The following ZMYND11 variants were observed in gnomAD, a reference collection of about 807,000 sequenced individuals.
ZMYND11 encodes the protein zinc finger MYND-type containing 11, also known as zinc finger MYND domain-containing protein 11.
In ZMYND11, 9 loss-of-function variants were observed where a neutral mutation model predicts 84.9. The observed-to-expected ratio is 0.11, with a 90% confidence interval of 0.06 to 0.18. The LOEUF is 0.18. ZMYND11 is among the 10% of genes least tolerant of loss of function. The pLI is 1.00. For synonymous variants in ZMYND11, 250 were observed against 244.1 expected (o/e 1.02, Z -0.23); for missense variants, 409 against 761.0 (o/e 0.54, Z 5.44).
chr10:137,651 T>C (rs1836429424), intron 1 of ZMYND11, among the ~76,000 whole-genome samples: 1 of 152,094 alleles, frequency 6.6e-6, no homozygotes, highest in African/African-American at 2.4e-5. Flanking sequence ...GTAGGCAGGG[T>C]CATCTTTGTA....
chr10:132,240 G>A (rs1291940478), upstream of ZMYND11, among the ~76,000 whole-genome samples: 3 of 150,262 alleles, frequency 2.0e-5, no homozygotes, highest in Non-Finnish European at 4.4e-5. Flanking sequence ...TTGTTCTTTC[G>A]CTCTTCACAA....
chr10:185,646 T>C (rs1424999868), intron 2 of ZMYND11, among the ~76,000 whole-genome samples: 1 of 151,020 alleles, frequency 6.6e-6, no homozygotes, highest in East Asian at 2.0e-4. Context: ...AAACCCTGTC[T>C]CTACTAAAAA....
intron 2 of ZMYND11, among the ~76,000 whole-genome samples, chr10:208,872 C>T (rs1484622247): frequency 3.3e-5 from 5 of 152,108 alleles, no homozygotes; most frequent in African/African-American, 4.8e-5. Flanking sequence ...TGACTTCTAG[C>T]GTGGAATGTT....
chr10:194,266 G>A (rs1271405872), intron 2 of ZMYND11, among the ~76,000 whole-genome samples: 1 of 150,102 alleles, frequency 6.7e-6, no homozygotes, highest in Non-Finnish European at 1.5e-5. Flanking sequence ...CTGGGACCCA[G>A]GCTGGTCTCG....
chr10:134,209 C>A (rs1835425598), upstream of ZMYND11, among the ~76,000 whole-genome samples: 1 of 152,136 alleles, frequency 6.6e-6, no homozygotes, highest in Non-Finnish European at 1.5e-5. Context: ...TAAACCAGAA[C>A]AATTATAACA....
rs560648685 is a variant in ZMYND11, at chr10:159,565, G to A, written c.-19-20429G>A. The stretch of plus-strand genomic sequence containing the variant: ...TTTGTGTTTTCTGCTTGTCCATATC[G>A]TTTGCTCATTTTTTTAAATTGGATT... On this transcript the variant is annotated intron_variant, in intron 1 of 14. Transcript: ENST00000381604. 1.8e-4 allele frequency among the ~76,000 whole-genome samples: 28 copies of A among 151,922 alleles called. No homozygotes were observed. The East Asian group carries it at 2.3e-3, about 13-fold the overall frequency.
intron 9 of ZMYND11, among the ~76,000 whole-genome samples, chr10:241,494 A>G (rs1480771635): frequency 1.3e-5 from 2 of 152,136 alleles, no homozygotes; most frequent in Admixed American, 1.3e-4. Context: ...TCCCTTAATA[A>G]AGTGAATTTT....
At chr10:233,045 T>C (rs547852971) in intron 4 of ZMYND11, among the ~76,000 whole-genome samples, 100 of 152,326 alleles carry the variant, frequency 6.6e-4, no homozygotes, top group African/African-American at 2.3e-3. Context: ...AGCGTGCGCT[T>C]GTCCGTGTTT....
chr10:251,399 CATAATGG>C (rs954746032), intron 14 of ZMYND11, among the ~76,000 whole-genome samples: 1 of 152,164 alleles, frequency 6.6e-6, no homozygotes, highest in African/African-American at 2.4e-5. Context: ...CACTTGCTGA[CATAATGG>C]ATAATAATGC....
intron 1 of ZMYND11, among the ~76,000 whole-genome samples, chr10:157,553 G>T (rs1338258477): frequency 6.6e-6 from 1 of 152,126 alleles, no homozygotes; most frequent in African/African-American, 2.4e-5. Context: ...GAAAGCACAC[G>T]TAAGCTACTT....
intron 4 of ZMYND11, among the ~76,000 whole-genome samples, chr10:236,464 T>C (rs1949988148): frequency 6.6e-6 from 1 of 152,266 alleles, no homozygotes; most frequent in Admixed American, 6.5e-5. Context: ...CACCATTCAT[T>C]ATTGCTAATT....
At chr10:192,365 C>T (rs1283927085) in intron 2 of ZMYND11, among the ~76,000 whole-genome samples, 4 of 152,182 alleles carry the variant, frequency 2.6e-5, no homozygotes, top group Non-Finnish European at 5.9e-5. Context: ...GCCTTCTGAC[C>T]ATCATGCTGC....
chr10:180,934 C>G (rs934411003), intron 2 of ZMYND11, among the ~76,000 whole-genome samples: 2 of 152,050 alleles, frequency 1.3e-5, no homozygotes, highest in African/African-American at 4.8e-5. Context: ...CCACCCCCAT[C>G]CCCTAGTTTC....
chr10:244,605 A>T (rs1951741663), intron 10 of ZMYND11: 1 of 152,328 alleles, frequency 6.6e-6, no homozygotes, highest in Admixed American at 6.5e-5. Flanking sequence ...AACCAGGTAC[A>T]GACAAAAAAG....
intron 1 of ZMYND11, among the ~76,000 whole-genome samples, chr10:175,919 G>A (rs1371444349): frequency 9.2e-5 from 14 of 152,192 alleles, no homozygotes; most frequent in African/African-American, 3.4e-4. Context: ...AGTAAAAATC[G>A]AACCTATTTG....
intron 2 of ZMYND11, among the ~76,000 whole-genome samples, chr10:189,615 G>C (rs1939778917): frequency 6.6e-6 from 1 of 152,254 alleles, no homozygotes; most frequent in Non-Finnish European, 1.5e-5. Flanking sequence ...AACTGATTCT[G>C]AATAAGTAGA....
rs1294792849 is a variant in ZMYND11, at chr10:248,850, T to C, written c.1501-53T>C. ...TGTTAAGTTTCTGTTCCAGTGTAGA[T>C]GGTCTGTGTTAAGTTGTGTGCTGAC... On this transcript the variant is annotated intron_variant, in intron 13 of 14. Transcript: ENST00000381604. 3.2e-6 allele frequency: 5 copies of C among 1,557,294 alleles called. No individual in the cohort carries two copies. The African/African-American group carries it at 4.1e-5, about 13-fold the overall frequency.
intron 2 of ZMYND11, among the ~76,000 whole-genome samples, chr10:196,830 A>C (rs1399590853): frequency 6.6e-6 from 1 of 152,246 alleles, no homozygotes; most frequent in African/African-American, 2.4e-5. Flanking sequence ...AGAATGTCTG[A>C]AACTGGGGTA....
chr10:248,015 A>G (rs1231371866), intron 12 of ZMYND11, among the ~76,000 whole-genome samples: 1 of 152,210 alleles, frequency 6.6e-6, no homozygotes, highest in African/African-American at 2.4e-5. Context: ...TAATTTTTAT[A>G]TTCTATAAAT....
Sources: gnomAD v4.1 joint callset for allele counts (sites outside exome capture counted in the v4.1 genomes callset) on GRCh38, gnomAD v4.1.1 for gene constraint, MANE v1.5 for transcripts, NCBI Gene and HGNC (gene_info 2026-07-23, HGNC 2026-07-21) for gene names.